PDZRN4: variants seen among roughly 807,000 people sequenced by gnomAD.
PDZRN4 encodes PDZ domain containing ring finger 4.
A neutral mutation model predicts 99.0 loss-of-function variants in PDZRN4; 70 were observed. The observed-to-expected ratio is 0.71, with a 90% CI of 0.58 to 0.86. The LOEUF (loss-of-function observed/expected upper bound fraction) is 0.86, where lower values mean the gene tolerates loss of function less well. Ranked by LOEUF, PDZRN4 falls within the 40% of genes least tolerant of loss-of-function variation. The pLI is 0.00. For synonymous variants in PDZRN4, 551 were observed against 501.6 expected, an observed-to-expected ratio of 1.10 and a Z score of -1.32; for missense variants, 1,474 against 1,331.2, an observed-to-expected ratio of 1.11 and a Z score of -1.67.
chr12:41,500,726 C>T (rs1348810930), intron 3 of PDZRN4, among the ~76,000 whole-genome samples: 1 of 151,856 alleles, frequency 6.6e-6, no homozygotes, highest in Non-Finnish European at 1.5e-5. Flanking sequence ...TAGAGTCAAT[C>T]ATACCAAAGT....
At chr12:41,219,152 A>T (rs546862649) in intron 3 of PDZRN4, among the ~76,000 whole-genome samples, 1 of 152,204 alleles carries the variant, frequency 6.6e-6, no homozygotes, top group East Asian at 1.9e-4. Flanking sequence ...TCAGGGTTGA[A>T]GGTGATTAGA....
chr12:41,408,821 C>T (rs1952369404), intron 3 of PDZRN4, among the ~76,000 whole-genome samples: 1 of 151,868 alleles, frequency 6.6e-6, no homozygotes, highest in Admixed American at 6.6e-5. Context: ...CTTGCGCTCT[C>T]TCTCTCACTC....
At chr12:41,378,520 A>ATT (rs71081733) in intron 3 of PDZRN4, among the ~76,000 whole-genome samples, 2,961 of 102,804 alleles carry the variant, frequency 0.029, 123 homozygotes, top group Middle Eastern at 0.048. Flanking sequence ...TCTGTCTTCA[A>ATT]TTTTTTTTTT....
chr12:41,532,302 A>G (rs929368302), intron 5 of PDZRN4, among the ~76,000 whole-genome samples: 1 of 152,158 alleles, frequency 6.6e-6, no homozygotes, highest in Admixed American at 6.5e-5. Flanking sequence ...GTGTCATACT[A>G]CACTGTCTTA....
At chr12:41,354,229 C>A (rs928742830) in intron 3 of PDZRN4, among the ~76,000 whole-genome samples, 1 of 152,034 alleles carries the variant, frequency 6.6e-6, no homozygotes, top group Non-Finnish European at 1.5e-5. Context: ...ATTTTCTAAG[C>A]AAATGGGTTA....
intron 3 of PDZRN4, among the ~76,000 whole-genome samples, 151 bp downstream of exon 3, chr12:41,194,339 A>G (rs2120643377): frequency 6.6e-6 from 1 of 152,336 alleles, no homozygotes; most frequent in Non-Finnish European, 1.5e-5. Context: ...CTTTCTTACA[A>G]AAAATGTAAA....
chr12:41,313,113 A>G (rs1456679524), intron 3 of PDZRN4, among the ~76,000 whole-genome samples: 1 of 152,174 alleles, frequency 6.6e-6, no homozygotes, highest in African/African-American at 2.4e-5. Flanking sequence ...CAGAAATACA[A>G]AAATTATCCT....
intron 3 of PDZRN4, among the ~76,000 whole-genome samples, chr12:41,272,973 T>A (rs1951325266): frequency 6.6e-6 from 1 of 152,042 alleles, no homozygotes; most frequent in Non-Finnish European, 1.5e-5. Flanking sequence ...AGGAGGAAAT[T>A]GAATTCTGCA....
At chr12:41,380,039 C>T (rs148066190) in intron 3 of PDZRN4, among the ~76,000 whole-genome samples, 524 of 152,106 alleles carry the variant, frequency 3.4e-3, no homozygotes, top group Non-Finnish European at 6.0e-3. Flanking sequence ...TGGATGCATA[C>T]GTATTTCAAT....
At chr12:41,454,583 T>G (rs1292217783) in intron 3 of PDZRN4, among the ~76,000 whole-genome samples, 2 of 152,198 alleles carry the variant, frequency 1.3e-5, no homozygotes, top group African/African-American at 2.4e-5. Context: ...GCATGGTCCC[T>G]TGAGGGAGAC....
intron 5 of PDZRN4, among the ~76,000 whole-genome samples, chr12:41,544,724 A>G (rs2120777645): frequency 6.6e-6 from 1 of 152,176 alleles, no homozygotes; most frequent in East Asian, 1.9e-4. Context: ...TGAAATTTTG[A>G]TAGAGGACTT....
intron 3 of PDZRN4, among the ~76,000 whole-genome samples, chr12:41,246,902 T>C (rs1002703518): frequency 2.0e-5 from 3 of 152,204 alleles, no homozygotes; most frequent in South Asian, 2.1e-4. Flanking sequence ...CTATTTACTC[T>C]GAAAGGTACA....
At chr12:41,377,749 T>C (rs897023252) in intron 3 of PDZRN4, among the ~76,000 whole-genome samples, 1 of 152,232 alleles carries the variant, frequency 6.6e-6, no homozygotes. Context: ...TTTGAGTCTA[T>C]TGTAAATGGT....
chr12:41,286,329 TCTTCTTC>T (rs1392538430), intron 3 of PDZRN4, among the ~76,000 whole-genome samples: 29 of 121,554 alleles, frequency 2.4e-4, no homozygotes, highest in African/African-American at 8.4e-4. Context: ...TCATTTTCCT[TCTTCTTC>T]TTTTTTTTTT....
chr12:41,197,920 G>GTTT lies in PDZRN4; in HGVS notation c.843+3741_843+3743dup, dbSNP rs533696414. On this transcript the variant is annotated intron_variant, in intron 3 of 9. Coordinates refer to ENST00000402685, the MANE Select transcript of PDZRN4 (RefSeq NM_001164595.2). Reference sequence around the variant, plus strand: ...TTCTTCTTTTCCTTGTTTTTTCTGGGTTTTTTTTTTTGGAGACAGGATCTT... The same window carrying GTTT: ...TTCTTCTTTTCCTTGTTTTTTCTGGGTTTTTTTTTTTTTTGGAGACAGGATCTT... Among the ~76,000 whole-genome samples, 76 of 115,586 alleles carry GTTT rather than the reference G, an allele frequency of 6.6e-4. 1 individual carries two copies. Among genetic ancestry groups the GTTT allele is most frequent in the South Asian group, 1.2e-3 (4 of 3,330 alleles). The allele number at this position is 115,586 out of a possible 152,430, so 75.8% of individuals were successfully genotyped here.
At chr12:41,372,743 A>T (rs578066490) in intron 3 of PDZRN4, among the ~76,000 whole-genome samples, 4 of 152,156 alleles carry the variant, frequency 2.6e-5, no homozygotes, top group Non-Finnish European at 4.4e-5. Flanking sequence ...ATCATGAAAG[A>T]TCTTCTAAGC....
At chr12:41,354,822 A>T (rs1196541670) in intron 3 of PDZRN4, among the ~76,000 whole-genome samples, 1 of 152,072 alleles carries the variant, frequency 6.6e-6, no homozygotes, top group Non-Finnish European at 1.5e-5. Flanking sequence ...CCTCCATCAC[A>T]TTCCTGTAGA....
At chr12:41,386,032 A>G (rs1952168357) in intron 3 of PDZRN4, among the ~76,000 whole-genome samples, 1 of 152,216 alleles carries the variant, frequency 6.6e-6, no homozygotes, top group South Asian at 2.1e-4. Context: ...AGTAAATGTG[A>G]TTCCTCACAT....
At chr12:41,472,413 T>G (rs894862003) in intron 3 of PDZRN4, among the ~76,000 whole-genome samples, 1 of 152,238 alleles carries the variant, frequency 6.6e-6, no homozygotes, top group Non-Finnish European at 1.5e-5. Flanking sequence ...TAGATATACA[T>G]TTTTGTTAGG....
Sources: gnomAD v4.1 joint callset for allele counts (sites outside exome capture counted in the v4.1 genomes callset) on GRCh38, gnomAD v4.1.1 for gene constraint, MANE v1.5 for transcripts, NCBI Gene and HGNC (gene_info 2026-07-23, HGNC 2026-07-21) for gene names.